Variants in GALNT11 observed in about 807,000 individuals in gnomAD.
GALNT11 encodes polypeptide N-acetylgalactosaminyltransferase 11.
A neutral mutation model predicts 72.7 loss-of-function variants in GALNT11; 47 were observed. That is an observed-to-expected ratio of 0.65 (90% confidence interval 0.51 to 0.82). GALNT11 has a LOEUF of 0.82. Among genes scored for constraint, GALNT11 ranks in the 40% least tolerant of loss-of-function variants. The probability of loss-of-function intolerance (pLI) is 0.00; values close to 1 mark genes in which losing one functional copy is unlikely to be tolerated. For missense variants in GALNT11, 677 were observed against 778.4 expected (o/e 0.87, Z 1.55); for synonymous variants, 270 against 286.6 (o/e 0.94, Z 0.58).
chr7:152,068,229 A>G lies in GALNT11; in HGVS notation c.-38-25961A>G, dbSNP rs148553746. ...TACTACTGATCTCTTTATCATCTCT[A>G]TAGTTTTACCTTTTCCAGAATGTCA... On this transcript the variant is annotated intron_variant, in intron 1 of 11. Transcript: ENST00000430044. 1.2e-3 allele frequency among the ~76,000 whole-genome samples: 181 copies of G among 152,190 alleles called. 2 individuals carry two copies. Among genetic ancestry groups the G allele is most frequent in the African/African-American group, 4.2e-3 (175 of 41,528 alleles).
chr7:152,055,071 C>T (rs190228853), intron 1 of GALNT11, among the ~76,000 whole-genome samples: 10 of 152,218 alleles, frequency 6.6e-5, no homozygotes, highest in Non-Finnish European at 1.5e-5. Context: ...AAAGGCAGCG[C>T]GGGGGCAGAA....
chr7:152,067,845 T>C (rs1344798796), intron 1 of GALNT11, among the ~76,000 whole-genome samples: 3 of 152,080 alleles, frequency 2.0e-5, no homozygotes, highest in African/African-American at 7.2e-5. Context: ...ACGGGAAGCA[T>C]GGTGCTGGCA....
chr7:152,097,437 T>A (rs1256429188), intron 2 of GALNT11, among the ~76,000 whole-genome samples: 1 of 152,188 alleles, frequency 6.6e-6, no homozygotes, highest in Non-Finnish European at 1.5e-5. Context: ...TATAGACAGT[T>A]TGGCAGTTCC....
At chr7:152,049,170 T>C (rs1350138560) in intron 1 of GALNT11, among the ~76,000 whole-genome samples, 8 of 152,186 alleles carry the variant, frequency 5.3e-5, no homozygotes, top group Admixed American at 2.0e-4. Context: ...CGGAATCATC[T>C]TGATGCTTGA....
chr7:152,035,365 C>T (rs1406630468), intron 1 of GALNT11, among the ~76,000 whole-genome samples: 1 of 152,166 alleles, frequency 6.6e-6, no homozygotes, highest in Non-Finnish European at 1.5e-5. Context: ...GCGGGACTAG[C>T]CTCAGAGAAG....
At chr7:152,112,862 G>A (rs185512303) in intron 7 of GALNT11, among the ~76,000 whole-genome samples, 78 of 151,872 alleles carry the variant, frequency 5.1e-4, no homozygotes, top group African/African-American at 1.6e-3. Context: ...TAAAATGAGA[G>A]AACAGGTAAT....
chr7:152,113,468 G>T (rs2088461348), intron 8 of GALNT11, 70 bp downstream of exon 8: 1 of 1,544,332 alleles, frequency 6.5e-7, no homozygotes, highest in African/African-American at 1.4e-5. Context: ...GATAGCTTTA[G>T]TTGCTTACTT....
At chr7:152,089,446 A>G (rs1196206770) in intron 1 of GALNT11, among the ~76,000 whole-genome samples, 3 of 152,262 alleles carry the variant, frequency 2.0e-5, no homozygotes, top group African/African-American at 4.8e-5. Context: ...ATTCGAACAA[A>G]GGAAAGACGT....
chr7:152,046,263 A>G (rs2083118221), intron 1 of GALNT11, among the ~76,000 whole-genome samples: 2 of 152,164 alleles, frequency 1.3e-5, no homozygotes, highest in Non-Finnish European at 2.9e-5. Context: ...TGAGGAGAAG[A>G]ATGCATATTC....
At chr7:152,105,827 C>T (rs1202198394) in intron 5 of GALNT11, among the ~76,000 whole-genome samples, 2 of 152,176 alleles carry the variant, frequency 1.3e-5, no homozygotes, top group Non-Finnish European at 2.9e-5. Flanking sequence ...GGTTAATGGA[C>T]GTAAGATTGA....
At chr7:152,028,685 C>G (rs975820688) in intron 1 of GALNT11, among the ~76,000 whole-genome samples, 14 of 152,166 alleles carry the variant, frequency 9.2e-5, no homozygotes, top group Admixed American at 3.3e-4. Flanking sequence ...CAATCCCCCC[C>G]CTCTAAACAG....
chr7:152,055,798 ATTC>A (rs71533547), intron 1 of GALNT11, among the ~76,000 whole-genome samples: 7,859 of 152,152 alleles, frequency 0.052, 347 homozygotes, highest in East Asian at 0.2. Flanking sequence ...GGAACTAAAA[ATTC>A]TTCTTTTTAA....
chr7:152,051,629 C>T (rs1377340018), intron 1 of GALNT11, among the ~76,000 whole-genome samples: 2 of 152,110 alleles, frequency 1.3e-5, no homozygotes, highest in East Asian at 3.9e-4. Flanking sequence ...TCTGGTATTA[C>T]TCTCCTCCCC....
intron 1 of GALNT11, among the ~76,000 whole-genome samples, chr7:152,051,660 G>C (rs2083412045): frequency 6.6e-6 from 1 of 152,118 alleles, no homozygotes; most frequent in Non-Finnish European, 1.5e-5. Flanking sequence ...ATGTAGGGTA[G>C]ACTCTTCAGA....
intron 1 of GALNT11, among the ~76,000 whole-genome samples, chr7:152,048,522 T>C (rs1349235172): frequency 1.3e-5 from 2 of 151,810 alleles, no homozygotes; most frequent in Non-Finnish European, 2.9e-5. Context: ...TCAACAACTT[T>C]TCTTTTTCTT....
chr7:152,032,279 G>C (rs2082339094), intron 1 of GALNT11, among the ~76,000 whole-genome samples: 1 of 152,180 alleles, frequency 6.6e-6, no homozygotes, highest in Non-Finnish European at 1.5e-5. Flanking sequence ...TATAAGTTGG[G>C]ATGTGTGGTC....
chr7:152,065,861 G>T (rs1188753583), intron 1 of GALNT11, among the ~76,000 whole-genome samples: 1 of 152,184 alleles, frequency 6.6e-6, no homozygotes, highest in East Asian at 1.9e-4. Flanking sequence ...ACTGGGAGGT[G>T]CCTCCCAGTT....
chr7:152,082,291 C>T (rs1286179130), intron 1 of GALNT11, among the ~76,000 whole-genome samples: 2 of 152,208 alleles, frequency 1.3e-5, no homozygotes, highest in Non-Finnish European at 2.9e-5. Flanking sequence ...CACTTACCAG[C>T]AGTTTTGCCA....
chr7:152,054,262 G>C (rs915060091), intron 1 of GALNT11, among the ~76,000 whole-genome samples: 2 of 151,810 alleles, frequency 1.3e-5, no homozygotes, highest in Non-Finnish European at 2.9e-5. Flanking sequence ...GAAAGAGTTG[G>C]TAAAAAGACA....
Sources: gnomAD v4.1 joint callset for allele counts (sites outside exome capture counted in the v4.1 genomes callset) on GRCh38, gnomAD v4.1.1 for gene constraint, MANE v1.5 for transcripts, NCBI Gene and HGNC (gene_info 2026-07-23, HGNC 2026-07-21) for gene names.